The following CHL1 variants were observed in gnomAD, a reference collection of about 807,000 sequenced individuals.
CHL1 encodes cell adhesion molecule L1 like, also known as neural cell adhesion molecule L1-like protein.
Under a neutral mutation model 141.9 loss-of-function variants are expected in CHL1, and 96 were observed. The observed-to-expected ratio is 0.68, with a 90% CI of 0.57 to 0.80. The LOEUF (loss-of-function observed/expected upper bound fraction) is 0.80. CHL1 is among the 30% of genes least tolerant of loss of function. CHL1 has a pLI of 0.00. For synonymous variants in CHL1, 613 were observed against 502.2 expected (o/e 1.22, Z -2.95); for missense variants, 1,820 against 1,457.2 (o/e 1.25, Z -4.05).
intron 23 of CHL1, among the ~76,000 whole-genome samples, chr3:392,356 A>G (rs140847813): frequency 2.0e-4 from 30 of 152,344 alleles, no homozygotes; most frequent in Non-Finnish European, 4.3e-4. Context: ...TCCAATGTCT[A>G]TGGGTTGCTC....
intron 5 of CHL1, among the ~76,000 whole-genome samples, chr3:338,319 C>G (rs1245785504): frequency 1.3e-5 from 2 of 152,062 alleles, no homozygotes; most frequent in Non-Finnish European, 2.9e-5. Flanking sequence ...ACCTCATTTA[C>G]CGAAAAAAAT....
At chr3:397,578 T>C (rs571021881) in intron 24 of CHL1, among the ~76,000 whole-genome samples, 56 of 152,236 alleles carry the variant, frequency 3.7e-4, no homozygotes, top group African/African-American at 1.1e-3. Flanking sequence ...CATATTTTTG[T>C]TCAACTTGAT....
intron 2 of CHL1, among the ~76,000 whole-genome samples, chr3:298,292 A>G (rs1231382552): frequency 6.6e-6 from 1 of 152,182 alleles, no homozygotes; most frequent in Non-Finnish European, 1.5e-5. Context: ...CCTAATATCT[A>G]GTTTTACTAA....
chr3:279,333 G>A (rs1696431469), intron 2 of CHL1, among the ~76,000 whole-genome samples: 1 of 151,884 alleles, frequency 6.6e-6, no homozygotes, highest in Non-Finnish European at 1.5e-5. Flanking sequence ...AGAGCCTTAA[G>A]CTTCTTAAAA....
At chr3:226,454 T>A (rs949302951) in intron 1 of CHL1, among the ~76,000 whole-genome samples, 3 of 150,082 alleles carry the variant, frequency 2.0e-5, no homozygotes, top group Non-Finnish European at 3.0e-5. Flanking sequence ...TATTATTATT[T>A]TTTCTGAGAC....
intron 8 of CHL1, among the ~76,000 whole-genome samples, chr3:344,381 G>A (rs111974188): frequency 1.3e-3 from 194 of 151,980 alleles, no homozygotes; most frequent in African/African-American, 4.3e-3. Context: ...GCTACGCTCA[G>A]TAAAAACATA....
intron 6 of CHL1, 68 bp downstream of exon 6, chr3:340,984 A>C: frequency 1.4e-6 from 2 of 1,461,014 alleles, no homozygotes; most frequent in South Asian, 2.5e-5. Flanking sequence ...CAATAACATA[A>C]TGAATCCAAA....
chr3:366,269 G>A (rs949742880), intron 15 of CHL1, among the ~76,000 whole-genome samples, 154 bp downstream of exon 15: 1 of 152,134 alleles, frequency 6.6e-6, no homozygotes, highest in Non-Finnish European at 1.5e-5. Flanking sequence ...TCAGGAGTTC[G>A]AGACTAGCCT....
chr3:351,059 C>G (rs1203709320), intron 10 of CHL1, among the ~76,000 whole-genome samples: 1 of 152,136 alleles, frequency 6.6e-6, no homozygotes, highest in Non-Finnish European at 1.5e-5. Flanking sequence ...CTCCAAGTTG[C>G]TGACTATTAG....
intron 1 of CHL1, among the ~76,000 whole-genome samples, chr3:202,022 G>A (rs910818188): frequency 1.3e-5 from 2 of 152,174 alleles, no homozygotes; most frequent in African/African-American, 4.8e-5. Context: ...GCGAACTGTT[G>A]TGGTGGTTAC....
At chr3:219,626 A>G (rs994126297) in intron 1 of CHL1, among the ~76,000 whole-genome samples, 86 of 152,360 alleles carry the variant, frequency 5.6e-4, no homozygotes, top group African/African-American at 2.0e-3. Flanking sequence ...GTTCTCACTT[A>G]TAAGTGGAAG....
chr3:350,629 C>G (rs1300874703), intron 10 of CHL1, among the ~76,000 whole-genome samples: 1 of 149,744 alleles, frequency 6.7e-6, no homozygotes, highest in Admixed American at 6.7e-5. Flanking sequence ...AGGACTCAGA[C>G]ACAAATTCTC....
intron 5 of CHL1, among the ~76,000 whole-genome samples, chr3:336,574 T>C (rs1199917404): frequency 3.9e-5 from 6 of 151,992 alleles, no homozygotes; most frequent in African/African-American, 1.4e-4. Flanking sequence ...CAAAGGATTC[T>C]AAGACACCAA....
chr3:332,716 T>C (rs1398549614), intron 5 of CHL1, among the ~76,000 whole-genome samples: 2 of 152,214 alleles, frequency 1.3e-5, no homozygotes, highest in Admixed American at 6.5e-5. Context: ...GAAATGTCCA[T>C]GAATTCTGGA....
Position 363,334 on chromosome 3 carries a change from A to G in CHL1, c.1536A>G (p.Val512=), listed in dbSNP as rs1704476312. ...ATGCTGGGTCTTACTCATGTTGGGT[A>G]GAAAATGCTATAGGAAAAACTGCAG... ...EEDAGSYSCW[V]ENAIGKTAVT... is the part of the protein sequence containing the mutation. The change falls in exon 14 of 28, where the codon GTA becomes GTG. Residue 512 remains valine, a synonymous_variant. Coordinates refer to ENST00000256509, the MANE Select transcript of CHL1 (RefSeq NM_006614.4). The G allele has an allele frequency of 6.2e-7, 1 of 1,613,382 alleles. No homozygotes were observed. The highest frequency in any genetic ancestry group is 8.5e-7 in the Non-Finnish European group (1 of 1,179,636).
chr3:282,915 A>G (rs953074415), intron 2 of CHL1: 2 of 152,206 alleles, frequency 1.3e-5, no homozygotes, highest in African/African-American at 4.8e-5. Context: ...TATAGAATAC[A>G]GGGTCTTTCT....
intron 2 of CHL1, among the ~76,000 whole-genome samples, chr3:286,465 G>C (rs1190657071): frequency 6.6e-6 from 1 of 151,930 alleles, no homozygotes; most frequent in Admixed American, 6.6e-5. Flanking sequence ...ACAAAAATTA[G>C]CCAGGCATGG....
At chr3:284,266 T>A (rs1300848432) in intron 2 of CHL1, among the ~76,000 whole-genome samples, 1 of 152,144 alleles carries the variant, frequency 6.6e-6, no homozygotes, top group African/African-American at 2.4e-5. Context: ...GAGGTGACAT[T>A]TAAGGTGAGA....
At chr3:345,326 ATC>A (rs1702673180) in intron 9 of CHL1, among the ~76,000 whole-genome samples, 1 of 148,364 alleles carries the variant, frequency 6.7e-6, no homozygotes, top group Admixed American at 6.7e-5. Flanking sequence ...CCCTATTTAT[ATC>A]TATTTTTACT....
Sources: allele counts gnomAD v4.1 joint callset (sites outside exome capture counted in the v4.1 genomes callset), GRCh38; gene constraint gnomAD v4.1.1; transcripts MANE v1.5; gene names NCBI Gene and HGNC (gene_info 2026-07-23, HGNC 2026-07-21).